Variants in FAM13C observed in about 807,000 individuals in gnomAD.
FAM13C encodes the protein protein FAM13C.
FAM13C carries 37 observed loss-of-function variants against 73.2 expected under a neutral mutation model. That is an observed-to-expected ratio of 0.51 (90% confidence interval 0.39 to 0.67). The LOEUF (loss-of-function observed/expected upper bound fraction) is 0.67. Among genes scored for constraint, FAM13C ranks in the 30% least tolerant of loss-of-function variants. FAM13C has a pLI of 0.00. For synonymous variants in FAM13C, 246 were observed against 260.9 expected (o/e 0.94, Z 0.55); for missense variants, 589 against 715.6 (o/e 0.82, Z 2.02).
intron 5 of FAM13C, among the ~76,000 whole-genome samples, chr10:59,291,410 T>C (rs1846204477): frequency 6.6e-6 from 1 of 152,128 alleles, no homozygotes; most frequent in Non-Finnish European, 1.5e-5. Flanking sequence ...CTGAGCATGG[T>C]TTGCAGCACA....
At chr10:59,285,277 T>A (rs1845425630) in intron 5 of FAM13C, among the ~76,000 whole-genome samples, 1 of 152,138 alleles carries the variant, frequency 6.6e-6, no homozygotes, top group Admixed American at 6.5e-5. Context: ...TCTGGGAAGT[T>A]TTCCCAGCAG....
chr10:59,292,978 C>G (rs1324586729), intron 5 of FAM13C, among the ~76,000 whole-genome samples: 1 of 151,888 alleles, frequency 6.6e-6, no homozygotes, highest in Non-Finnish European at 1.5e-5. Context: ...TTTAACCAAT[C>G]CCTCCCTGTC....
chr10:59,356,082 C>T, intron 1 of FAM13C, 139 bp from the exon 2 acceptor site: 1 of 790,024 alleles, frequency 1.3e-6, no homozygotes, highest in Non-Finnish European at 2.1e-6. Flanking sequence ...CAAATAAGTT[C>T]TGATTCCTAT....
At chr10:59,290,718 ATTGT>A (rs1308385950) in intron 5 of FAM13C, among the ~76,000 whole-genome samples, 1 of 152,088 alleles carries the variant, frequency 6.6e-6, no homozygotes, top group Non-Finnish European at 1.5e-5. Flanking sequence ...AATTTTGTGT[ATTGT>A]TTATCAGCTC....
At chr10:59,305,091 T>G (rs1459938163) in intron 4 of FAM13C, among the ~76,000 whole-genome samples, 1 of 152,144 alleles carries the variant, frequency 6.6e-6, no homozygotes, top group Non-Finnish European at 1.5e-5. Context: ...CCTTACAAAT[T>G]ATGAAGCCTC....
intron 13 of FAM13C, 165 bp from the exon 14 acceptor site, chr10:59,247,902 G>T: frequency 1.6e-6 from 1 of 610,034 alleles, no homozygotes; most frequent in Non-Finnish European, 2.7e-6. Flanking sequence ...CTTCTTCCAT[G>T]TGTTACTAAG....
At chr10:59,258,942 C>CAT (rs1286631209) in intron 10 of FAM13C, among the ~76,000 whole-genome samples, 3 of 152,156 alleles carry the variant, frequency 2.0e-5, no homozygotes, top group Non-Finnish European at 4.4e-5. Context: ...CATTACTCAT[C>CAT]CCCTTGGTAA....
chr10:59,269,979 G>A lies in FAM13C; in HGVS notation c.723C>T (p.Cys241=). Residue 241 remains cysteine (C), a synonymous_variant, in exon 7 of 14, where the codon TGC becomes TGT. Coordinates refer to ENST00000618804, the MANE Select transcript of FAM13C (RefSeq NM_198215.4). ...DGDNPLLSPR[C]SIFSQSQRFN... ...ATCTCTGGCTTTGGCTGAAGATGGA[G>A]CATCGTGGCGACAGCAGTGGGTTAT... 1 of 1,613,994 alleles carries A rather than the reference G, an allele frequency of 6.2e-7. No homozygotes were observed. Among genetic ancestry groups the A allele is most frequent in the Non-Finnish European group, 8.5e-7 (1 of 1,179,900 alleles).
chr10:59,273,113 C>A, intron 6 of FAM13C, among the ~76,000 whole-genome samples: 1 of 152,190 alleles, frequency 6.6e-6, no homozygotes, highest in Non-Finnish European at 1.5e-5. Context: ...ACTGTAGTAA[C>A]AATGCTGTTA....
chr10:59,354,990 C>T lies in FAM13C; in HGVS notation c.119+897G>A, dbSNP rs886914888. 2.7e-5 allele frequency among the ~76,000 whole-genome samples: 4 copies of T among 149,990 alleles called. No homozygotes were observed. The East Asian group carries it at 7.8e-4, about 29-fold the overall frequency. On this transcript the variant is annotated intron_variant, in intron 2 of 13. Transcript: ENST00000618804. Reference sequence around the variant, plus strand: ...CATTCTCTTTTTCTTAGCCTTGGACCTCACCAATAATAATAATAATAATAA... The same window carrying T: ...CATTCTCTTTTTCTTAGCCTTGGACTTCACCAATAATAATAATAATAATAA...
chr10:59,324,086 G>A lies in FAM13C; in HGVS notation c.345C>T (p.Ser115=). Residue 115 remains serine (S), a synonymous_variant, in exon 4 of 14, where the codon TCC becomes TCT. Coordinates refer to ENST00000618804, the MANE Select transcript of FAM13C (RefSeq NM_198215.4). ...CTCTCACCTGACACTCTGACTGGCT[G>A]GATACCACATGCTCTGTCTCCTGCA... is the stretch of plus-strand genomic sequence containing the variant. ...GESQETEHVV[S]SQSECQVRAG... The A allele has an allele frequency of 6.2e-7, 1 of 1,613,876 alleles. No homozygotes were observed. The highest frequency in any genetic ancestry group is 8.5e-7 in the Non-Finnish European group (1 of 1,179,868).
intron 3 of FAM13C, among the ~76,000 whole-genome samples, chr10:59,342,186 T>C (rs1490660008): frequency 6.6e-6 from 1 of 152,144 alleles, no homozygotes; most frequent in Non-Finnish European, 1.5e-5. Flanking sequence ...TTCAAACTTT[T>C]TGAGAACATC....
chr10:59,305,032 A>T (rs1053029048), intron 4 of FAM13C, among the ~76,000 whole-genome samples: 3 of 152,158 alleles, frequency 2.0e-5, no homozygotes, highest in Non-Finnish European at 4.4e-5. Context: ...CAGCCACCCA[A>T]TCTTAGCCTT....
chr10:59,338,460 G>T (rs540255958), intron 3 of FAM13C, among the ~76,000 whole-genome samples: 2,415 of 152,208 alleles, frequency 0.016, 63 homozygotes, highest in African/African-American at 0.055. Context: ...CTGGACTGAT[G>T]GTCAATAAAC....
chr10:59,293,756 G>C (rs1256930418), intron 5 of FAM13C, among the ~76,000 whole-genome samples: 1 of 152,140 alleles, frequency 6.6e-6, no homozygotes, highest in Admixed American at 6.5e-5. Context: ...GTAAACCTCT[G>C]GGAAGTGAGG....
In FAM13C at chr10:59,269,417, T is replaced by TACAC. The variant is rs10532470; in HGVS notation, c.803+478_803+481dup. 4.4e-3 allele frequency among the ~76,000 whole-genome samples: 645 copies of TACAC among 146,646 alleles called. 6 individuals carry two copies. The highest frequency in any genetic ancestry group is 0.014 in the African/African-American group (565 of 39,600). ...AATGTGTAGGGGGCAGGCATCCGAT[T>TACAC]ACACACACACACACACACACACACA... On this transcript the variant is annotated intron_variant, in intron 7 of 13. Transcript: ENST00000618804.
At chr10:59,323,565 C>A in intron 4 of FAM13C, 1 of 219,742 alleles carries the variant, frequency 4.6e-6, no homozygotes. Flanking sequence ...GAGTACACAG[C>A]TTTACGAGAA....
intron 8 of FAM13C, among the ~76,000 whole-genome samples, chr10:59,265,329 G>GAGC (rs1564495021): frequency 9.5e-5 from 5 of 52,614 alleles, no homozygotes; most frequent in African/African-American, 2.7e-4. Flanking sequence ...TGGCGGGGGG[G>GAGC]GGGGGGAATC....
intron 3 of FAM13C, among the ~76,000 whole-genome samples, chr10:59,330,021 A>G (rs1022143660): frequency 6.6e-6 from 1 of 152,198 alleles, no homozygotes; most frequent in East Asian, 1.9e-4. Context: ...TATTCTCATG[A>G]CAGCGGATAT....
Sources: allele counts gnomAD v4.1 joint callset (sites outside exome capture counted in the v4.1 genomes callset), GRCh38; gene constraint gnomAD v4.1.1; transcripts MANE v1.5; gene names NCBI Gene and HGNC (gene_info 2026-07-23, HGNC 2026-07-21).